BCL2L13: variants seen among roughly 807,000 people sequenced by gnomAD.
BCL2L13 encodes BCL2 like 13.
A neutral mutation model predicts 25.8 loss-of-function variants in BCL2L13; 13 were observed. That is an observed-to-expected ratio of 0.50 (90% CI 0.33 to 0.80). BCL2L13 has a LOEUF of 0.80. Ranked by LOEUF, BCL2L13 falls within the 30% of genes least tolerant of loss-of-function variation. The pLI is 0.02. For synonymous variants in BCL2L13, 244 were observed against 230.3 expected (o/e 1.06, Z -0.54); for missense variants, 504 against 574.9 (o/e 0.88, Z 1.26).
chr22:17,681,575 CA>C (rs2146705096), intron 2 of BCL2L13, among the ~76,000 whole-genome samples: 1 of 151,956 alleles, frequency 6.6e-6, no homozygotes, highest in Admixed American at 6.6e-5. Flanking sequence ...TGAGAGGGTC[CA>C]TGAATGCCCT....
upstream of BCL2L13, among the ~76,000 whole-genome samples, chr22:17,635,885 AT>A (rs71720631): frequency 1 from 151,602 of 151,688 alleles, 75,758 homozygotes; most frequent in Middle Eastern, 1. Context: ...AATTTTTTGT[AT>A]TTTTAGTAGA....
At chr22:17,662,818 A>G (rs1035441600) in intron 2 of BCL2L13, among the ~76,000 whole-genome samples, 6 of 152,186 alleles carry the variant, frequency 3.9e-5, no homozygotes, top group African/African-American at 7.2e-5. Context: ...TTCAAAAAAA[A>G]TAAAAATAAA....
At chr22:17,691,413 G>C (rs922208929) in intron 4 of BCL2L13, among the ~76,000 whole-genome samples, 1 of 152,168 alleles carries the variant, frequency 6.6e-6, no homozygotes, top group Non-Finnish European at 1.5e-5. Flanking sequence ...TGGGGAGGCC[G>C]AGGCGGGCGT....
intron 2 of BCL2L13, among the ~76,000 whole-genome samples, chr22:17,656,332 ATTCTTTTTTTT>A (rs2058857413): frequency 1.4e-5 from 1 of 70,432 alleles, no homozygotes; most frequent in African/African-American, 6.0e-5. Context: ...TTTTCATTTT[ATTCTTTTTTTT>A]TTTTTTTTTT....
intron 6 of BCL2L13, among the ~76,000 whole-genome samples, chr22:17,720,633 G>A (rs2061094773): frequency 6.6e-6 from 1 of 151,072 alleles, no homozygotes; most frequent in Non-Finnish European, 1.5e-5. Flanking sequence ...CCAAAGTGCT[G>A]GGATTACAGG....
chr22:17,651,934 C>T (rs954125755), intron 1 of BCL2L13, among the ~76,000 whole-genome samples: 3 of 152,128 alleles, frequency 2.0e-5, no homozygotes, highest in Admixed American at 1.3e-4. Flanking sequence ...GCGTGATCCA[C>T]CTGCCTTGGC....
Position 17,730,040 on chromosome 22 carries a change from C to G in BCL2L13, c.*2506C>G, listed in dbSNP as rs1355290531. 1 of 152,224 alleles carries G rather than the reference C, an allele frequency of 6.6e-6. No homozygotes were observed. The highest frequency in any genetic ancestry group is 1.5e-5 in the Non-Finnish European group (1 of 68,042). The allele number at this position is 152,224 out of a possible 1,614,324, so 9.4% of individuals were successfully genotyped here. A position where few individuals can be genotyped will look rare whatever the true frequency, so the allele number is the denominator to read the frequency against. ...TCCTTCCACCTCCAACTTATACCCT[C>G]TAAGTCTAAGGTGAAGGAAAGATTC... is the stretch of plus-strand genomic sequence containing the variant. On this transcript the variant is annotated 3_prime_UTR_variant, in exon 7 of 7. Coordinates refer to ENST00000317582, the MANE Select transcript of BCL2L13 (RefSeq NM_015367.4).
chr22:17,653,270 G>A (rs2058746804), intron 1 of BCL2L13, among the ~76,000 whole-genome samples: 1 of 152,032 alleles, frequency 6.6e-6, no homozygotes, highest in South Asian at 2.1e-4. Context: ...TAAGAAATAG[G>A]AGTAATACCA....
intron 6 of BCL2L13, among the ~76,000 whole-genome samples, chr22:17,708,848 A>C (rs943720732): frequency 6.6e-6 from 1 of 152,214 alleles, no homozygotes; most frequent in African/African-American, 2.4e-5. Flanking sequence ...TGTAGATATT[A>C]TTCTTCTAAT....
At chr22:17,666,678 C>CTTT (rs35623813) in intron 2 of BCL2L13, among the ~76,000 whole-genome samples, 13 of 121,368 alleles carry the variant, frequency 1.1e-4, no homozygotes, top group Admixed American at 1.9e-4. Flanking sequence ...GGACCTCATT[C>CTTT]TTTTTTTTTT....
intron 6 of BCL2L13, among the ~76,000 whole-genome samples, chr22:17,722,421 ATG>A (rs1051073495): frequency 8.6e-6 from 1 of 116,384 alleles, no homozygotes; most frequent in African/African-American, 3.4e-5. Flanking sequence ...GTGTGTGTGT[ATG>A]TAGAGATGAT....
rs963988799 is a variant in BCL2L13, at chr22:17,727,566, G to A, written c.*32G>A. ...TTTCAGAAGAGAAAGACAGAAGGATGTAAGGTTGGAGTTGTATTGGCTGGA... is the reference window on the plus strand; with the variant it reads ...TTTCAGAAGAGAAAGACAGAAGGATATAAGGTTGGAGTTGTATTGGCTGGA... On this transcript the variant is annotated 3_prime_UTR_variant, in exon 7 of 7. Transcript: ENST00000317582. The A allele has an allele frequency of 1.9e-6, 3 of 1,609,032 alleles. No homozygotes were observed. The highest frequency in any genetic ancestry group is 2.5e-6 in the Non-Finnish European group (3 of 1,177,360).
chr22:17,684,795 G>C (rs903709416), intron 3 of BCL2L13: 11 of 342,818 alleles, frequency 3.2e-5, no homozygotes, highest in Middle Eastern at 2.1e-3. Context: ...TGCGGTGGCG[G>C]GATCTTGGCT....
At chr22:17,659,592 T>A (rs2059001976) in intron 2 of BCL2L13, among the ~76,000 whole-genome samples, 1 of 140,820 alleles carries the variant, frequency 7.1e-6, no homozygotes, top group African/African-American at 2.5e-5. Flanking sequence ...ACTCAGGAGG[T>A]GGAGCTTGCA....
chr22:17,631,666 GTGTGTATATATATATATATATATA>G (rs1411609208), intron 1 of BCL2L13, among the ~76,000 whole-genome samples: 10 of 21,414 alleles, frequency 4.7e-4, no homozygotes, highest in African/African-American at 1.5e-3. Context: ...GTATGTGTGT[GTGTGTATATATATATATATATATA>G]TATATATATA....
chr22:17,721,649 C>T lies in BCL2L13; in HGVS notation c.601-5028C>T, dbSNP rs1034529979. ...AAGCAATTCTCCTGCCTCAGCCTCC[C>T]AAGGAGCTGGGATTACAGGCATGTG... On this transcript the variant is annotated intron_variant, in intron 6 of 6. Coordinates refer to ENST00000317582, the MANE Select transcript of BCL2L13 (RefSeq NM_015367.4). Among the ~76,000 whole-genome samples, 4 of 151,574 alleles carry T rather than the reference C, an allele frequency of 2.6e-5. 1 individual carries two copies. The highest frequency in any genetic ancestry group is 5.9e-5 in the Non-Finnish European group (4 of 67,948).
intron 2 of BCL2L13, among the ~76,000 whole-genome samples, chr22:17,672,759 A>G (rs1454824193): frequency 2.0e-5 from 3 of 152,200 alleles, no homozygotes; most frequent in African/African-American, 7.2e-5. Flanking sequence ...TCAAGAGAAT[A>G]AGCTCTCCTT....
At chr22:17,638,673 C>G (rs1459525514), upstream of BCL2L13, 2 of 1,231,602 alleles carry the variant, frequency 1.6e-6, no homozygotes, top group Non-Finnish European at 2.0e-6. Context: ...GTCGGTCCTT[C>G]CGCTCCGGAT....
chr22:17,650,489 G>A (rs1399036185), intron 1 of BCL2L13, among the ~76,000 whole-genome samples: 1 of 152,026 alleles, frequency 6.6e-6, no homozygotes, highest in South Asian at 2.1e-4. Context: ...TGGCATTGGC[G>A]GTGGGAGGCA....
Sources: allele counts gnomAD v4.1 joint callset (sites outside exome capture counted in the v4.1 genomes callset), GRCh38; gene constraint gnomAD v4.1.1; transcripts MANE v1.5; gene names NCBI Gene and HGNC (gene_info 2026-07-23, HGNC 2026-07-21).